Variants in PTPN13 observed in about 807,000 individuals in gnomAD.
PTPN13 encodes the protein tyrosine-protein phosphatase non-receptor type 13.
PTPN13 carries 191 observed loss-of-function variants against 284.0 expected under a neutral mutation model. That is an observed-to-expected ratio of 0.67 (90% CI 0.60 to 0.76). The LOEUF is 0.76. PTPN13 is among the 30% of genes least tolerant of loss of function. The pLI is 0.00. For missense variants in PTPN13, 2,797 were observed against 2,939.9 expected (o/e 0.95, Z 1.12); for synonymous variants, 986 against 1,022.3 (o/e 0.96, Z 0.68).
At chr4:86,744,661 A>T (rs1409681148) in intron 16 of PTPN13, among the ~76,000 whole-genome samples, 1 of 152,206 alleles carries the variant, frequency 6.6e-6, no homozygotes, top group Non-Finnish European at 1.5e-5. Flanking sequence ...AATTGCCTAC[A>T]GTATTTAGTA....
At chr4:86,783,317 C>G (rs1315163243) in intron 37 of PTPN13, among the ~76,000 whole-genome samples, 3 of 152,176 alleles carry the variant, frequency 2.0e-5, no homozygotes, top group South Asian at 4.1e-4. Context: ...TCACTATTCT[C>G]TGTTTATTCA....
At chr4:86,691,806 G>A (rs912577063) in intron 5 of PTPN13, among the ~76,000 whole-genome samples, 4 of 152,142 alleles carry the variant, frequency 2.6e-5, no homozygotes, top group Non-Finnish European at 4.4e-5. Context: ...TCCAGTAGCT[G>A]ACAGAATGAG....
rs370134196 is a variant in PTPN13 at position 86,745,162 on chromosome 4, G to A, written c.2650+34G>A. 3.8e-6 allele frequency: 6 copies of A among 1,560,670 alleles called. No individual in the cohort carries two copies. In the African/African-American group the frequency reaches 4.1e-5, roughly 11 times the overall value. On this transcript the variant is annotated intron_variant, in intron 17 of 47. Coordinates refer to ENST00000411767, the MANE Select transcript of PTPN13 (RefSeq NM_080683.3). Reference sequence around the variant, plus strand: ...AAGCAGACTATTTCAGATGACTCCTGGGAATATGAATAATTTTTGCCACCA... The same window carrying A: ...AAGCAGACTATTTCAGATGACTCCTAGGAATATGAATAATTTTTGCCACCA...
At chr4:86,761,139 A>AATATATATATATATATATATATAT (rs6148556) in intron 23 of PTPN13, among the ~76,000 whole-genome samples, 10 of 120,658 alleles carry the variant, frequency 8.3e-5, no homozygotes, top group Non-Finnish European at 1.2e-4. Flanking sequence ...TGTGTGTGTA[A>AATATATATATATATATATATATAT]ATATATATAT....
intron 2 of PTPN13, among the ~76,000 whole-genome samples, chr4:86,640,048 A>G (rs141225879): frequency 6.6e-6 from 1 of 152,304 alleles, no homozygotes; most frequent in African/African-American, 2.4e-5. Flanking sequence ...AGGAAGGTCT[A>G]GAGACAGGGG....
intron 1 of PTPN13, among the ~76,000 whole-genome samples, chr4:86,612,243 A>T (rs1719980185): frequency 6.6e-6 from 1 of 152,240 alleles, no homozygotes; most frequent in African/African-American, 2.4e-5. Context: ...TTTCAGGCAC[A>T]CAAAGAAGCA....
At chr4:86,602,813 C>G (rs1281208231) in intron 1 of PTPN13, among the ~76,000 whole-genome samples, 2 of 151,922 alleles carry the variant, frequency 1.3e-5, no homozygotes, top group African/African-American at 2.4e-5. Flanking sequence ...ACTTCAGCCC[C>G]GCAAAGCACT....
In PTPN13 at chr4:86,650,701, T is replaced by G. The variant is rs146471697; in HGVS notation, c.115+15330T>G. ...GTAGCACTTGTAAATGGAATTACTT[T>G]CTTAATTTCTTTGTCATATTGTTTG... On this transcript the variant is annotated intron_variant, in intron 2 of 47. Transcript: ENST00000411767. 3.3e-4 allele frequency among the ~76,000 whole-genome samples: 51 copies of G among 152,342 alleles called. 1 individual carries two copies. Among genetic ancestry groups the G allele is most frequent in the Admixed American group, 2.4e-3 (37 of 15,300 alleles).
intron 7 of PTPN13, among the ~76,000 whole-genome samples, chr4:86,713,725 A>G (rs1226225108): frequency 6.6e-6 from 1 of 152,142 alleles, no homozygotes; most frequent in African/African-American, 2.4e-5. Context: ...GTGGCCAGTC[A>G]TCTATACTTC....
chr4:86,651,690 C>T (rs1725097220), intron 2 of PTPN13, among the ~76,000 whole-genome samples: 1 of 152,018 alleles, frequency 6.6e-6, no homozygotes, highest in African/African-American at 2.4e-5. Context: ...ATTTGGATTT[C>T]TTCATGCTTC....
intron 36 of PTPN13, among the ~76,000 whole-genome samples, chr4:86,781,735 C>A: frequency 6.6e-6 from 1 of 151,192 alleles, no homozygotes; most frequent in South Asian, 2.1e-4. Context: ...GAGGCCGAGG[C>A]GGGCAGATCA....
intron 35 of PTPN13, among the ~76,000 whole-genome samples, chr4:86,779,953 C>G (rs530521049): frequency 1.3e-5 from 2 of 152,218 alleles, no homozygotes; most frequent in Non-Finnish European, 2.9e-5. Flanking sequence ...TCTAAGTTAT[C>G]TTTAAACTAT....
intron 32 of PTPN13, among the ~76,000 whole-genome samples, chr4:86,773,887 TTAA>T (rs1740293264): frequency 6.6e-6 from 1 of 152,068 alleles, no homozygotes; most frequent in Non-Finnish European, 1.5e-5. Context: ...TACAACAAAA[TTAA>T]TAAGATTGTG....
At chr4:86,759,635 C>T (rs72872263) in intron 23 of PTPN13, among the ~76,000 whole-genome samples, 200 of 152,282 alleles carry the variant, frequency 1.3e-3, no homozygotes, top group African/African-American at 4.6e-3. Context: ...TAGAACAGTG[C>T]AGTGGGAAAC....
At chr4:86,694,260 T>C (rs549305893) in intron 6 of PTPN13, among the ~76,000 whole-genome samples, 1 of 152,192 alleles carries the variant, frequency 6.6e-6, no homozygotes. Flanking sequence ...ATGATAAGTA[T>C]TAAATTTATT....
At chr4:86,598,061 C>T (rs1578224011) in intron 1 of PTPN13, among the ~76,000 whole-genome samples, 1 of 151,944 alleles carries the variant, frequency 6.6e-6, no homozygotes, top group African/African-American at 2.4e-5. Context: ...GGACTGCTGT[C>T]TGACAAATAT....
At chr4:86,760,380 C>G (rs1738538942) in intron 23 of PTPN13, among the ~76,000 whole-genome samples, 1 of 152,100 alleles carries the variant, frequency 6.6e-6, no homozygotes, top group South Asian at 2.1e-4. Context: ...ATTTTTTAAC[C>G]ATTTCTGAAT....
rs542296659 is a variant in PTPN13, at chr4:86,662,669, C to T, written c.116-9696C>T. Among the ~76,000 whole-genome samples the T allele has an allele frequency of 9.9e-5, 15 of 152,228 alleles. No homozygotes were observed. In the South Asian group the frequency reaches 2.7e-3, roughly 27 times the overall value. On this transcript the variant is annotated intron_variant, in intron 2 of 47. Transcript: ENST00000411767. ...AAGAAACCACTTTTAAGCAAACTGT[C>T]GTTTAGAAGTCTGCAGCTAAAATAT...
chr4:86,647,051 T>C (rs924243366), intron 2 of PTPN13, among the ~76,000 whole-genome samples: 4 of 152,096 alleles, frequency 2.6e-5, no homozygotes, highest in African/African-American at 9.7e-5. Flanking sequence ...TCAGTGGTTG[T>C]TTAGGGATGA....
Sources: allele counts gnomAD v4.1 joint callset (sites outside exome capture counted in the v4.1 genomes callset), GRCh38; gene constraint gnomAD v4.1.1; transcripts MANE v1.5; gene names NCBI Gene and HGNC (gene_info 2026-07-23, HGNC 2026-07-21).